Variants in CSMD1 observed in about 807,000 individuals in gnomAD.
CSMD1 encodes CUB and sushi domain-containing protein 1.
Under a neutral mutation model 417.5 loss-of-function variants are expected in CSMD1, and 213 were observed. The ratio of observed to expected loss-of-function variants is 0.51; its 90% CI spans 0.46 to 0.57. The LOEUF is 0.57. Ranked by LOEUF, CSMD1 falls within the 20% of genes least tolerant of loss-of-function variation. CSMD1 has a pLI of 0.00. For synonymous variants in CSMD1, 2,862 were observed against 1,736.8 expected, an observed-to-expected ratio of 1.65 and a Z score of -16.11; for missense variants, 6,923 against 4,529.7, an observed-to-expected ratio of 1.53 and a Z score of -15.17.
intron 3 of CSMD1, among the ~76,000 whole-genome samples, chr8:4,352,569 C>T (rs1043475187): frequency 1.4e-4 from 21 of 152,142 alleles, no homozygotes; most frequent in Non-Finnish European, 2.6e-4. Context: ...TTTCATTTTC[C>T]ATGTAACTTC....
intron 10 of CSMD1, among the ~76,000 whole-genome samples, chr8:3,532,985 C>T (rs1798042913): frequency 6.6e-6 from 1 of 152,182 alleles, no homozygotes; most frequent in African/African-American, 2.4e-5. Context: ...TCATTTTATA[C>T]ATTCCCTTCT....
intron 4 of CSMD1, among the ~76,000 whole-genome samples, chr8:4,018,079 G>C (rs1199214577): frequency 1.3e-5 from 2 of 152,102 alleles, no homozygotes; most frequent in South Asian, 2.1e-4. Context: ...GCAAAAATAA[G>C]CTGGTTATTA....
chr8:4,755,877 C>T lies in CSMD1; in HGVS notation c.86-118319G>A, dbSNP rs544415641. Among the ~76,000 whole-genome samples, 3 of 152,274 alleles carry T rather than the reference C, an allele frequency of 2.0e-5. No homozygotes were observed. In the South Asian group the frequency reaches 6.2e-4, roughly 32 times the overall value. On this transcript the variant is annotated intron_variant, in intron 1 of 69. Transcript: ENST00000635120. The stretch of plus-strand genomic sequence containing the variant: ...CACCAACCTGGTCCAACGTGAGAAA[C>T]TCATAATGGGCTGCTCGGCCTTCAG...
chr8:3,375,122 T>C (rs1810223110), intron 18 of CSMD1: 1 of 152,126 alleles, frequency 6.6e-6, no homozygotes, highest in African/African-American at 2.4e-5. Flanking sequence ...CTTCCACATG[T>C]ACATGTTAAA....
chr8:3,579,651 T>A (rs1800298381), intron 9 of CSMD1, among the ~76,000 whole-genome samples: 1 of 152,230 alleles, frequency 6.6e-6, no homozygotes, highest in Non-Finnish European at 1.5e-5. Flanking sequence ...TCACCACACC[T>A]GGTTCCAGGC....
chr8:4,669,077 T>C (rs1373259077), intron 1 of CSMD1, among the ~76,000 whole-genome samples: 5 of 152,340 alleles, frequency 3.3e-5, no homozygotes, highest in Admixed American at 6.5e-5. Flanking sequence ...TCTTAATTTT[T>C]ACAGACTTAT....
chr8:4,061,994 CT>C (rs1798996337), intron 3 of CSMD1, among the ~76,000 whole-genome samples: 2 of 152,090 alleles, frequency 1.3e-5, no homozygotes. Flanking sequence ...GCTGCCCTGT[CT>C]GAGAGGTCAA....
chr8:4,379,801 G>T (rs1353042068), intron 3 of CSMD1, among the ~76,000 whole-genome samples: 1 of 152,178 alleles, frequency 6.6e-6, no homozygotes, highest in South Asian at 2.1e-4. Context: ...TCAAAATGTT[G>T]ACAATTCTAT....
intron 37 of CSMD1, among the ~76,000 whole-genome samples, chr8:3,173,671 G>A (rs577681154): frequency 4.6e-5 from 7 of 152,132 alleles, no homozygotes; most frequent in Non-Finnish European, 7.3e-5. Context: ...GTAAGCTCTC[G>A]TCTCAGTGCA....
intron 7 of CSMD1, among the ~76,000 whole-genome samples, chr8:3,662,068 T>G (rs542771088): frequency 1.3e-5 from 2 of 152,132 alleles, no homozygotes; most frequent in Non-Finnish European, 2.9e-5. Flanking sequence ...TGCTCAGTAG[T>G]TGTGTAGAAA....
At chr8:4,339,032 T>A (rs1339442033) in intron 3 of CSMD1, among the ~76,000 whole-genome samples, 1 of 152,120 alleles carries the variant, frequency 6.6e-6, no homozygotes, top group Non-Finnish European at 1.5e-5. Flanking sequence ...GCTCAATTGC[T>A]GTAGAGCCTC....
At chr8:3,737,204 G>A (rs762062956) in intron 6 of CSMD1, among the ~76,000 whole-genome samples, 4 of 147,110 alleles carry the variant, frequency 2.7e-5, no homozygotes, top group South Asian at 2.2e-4. Flanking sequence ...AATGACTATC[G>A]GGAGAAATTA....
intron 5 of CSMD1, among the ~76,000 whole-genome samples, chr8:3,972,495 T>A (rs1370631485): frequency 6.6e-6 from 1 of 152,234 alleles, no homozygotes; most frequent in Middle Eastern, 3.2e-3. Context: ...GAATGAATTT[T>A]TGCCTCTGTC....
At chr8:4,020,860 T>G (rs1424650424) in intron 4 of CSMD1, among the ~76,000 whole-genome samples, 1 of 152,214 alleles carries the variant, frequency 6.6e-6, no homozygotes, top group Non-Finnish European at 1.5e-5. Flanking sequence ...AAACTAATTT[T>G]AAAAGGGACC....
intron 3 of CSMD1, among the ~76,000 whole-genome samples, chr8:4,082,100 AAAG>A (rs1225089614): frequency 6.6e-6 from 1 of 152,176 alleles, no homozygotes; most frequent in Non-Finnish European, 1.5e-5. Flanking sequence ...TTATCAAGAA[AAAG>A]AAGAGATATG....
chr8:3,009,273 C>T (rs987812794), intron 52 of CSMD1, among the ~76,000 whole-genome samples: 10 of 152,188 alleles, frequency 6.6e-5, no homozygotes, highest in African/African-American at 1.9e-4. Flanking sequence ...GGGATTAGAA[C>T]GGAATCCATT....
chr8:2,998,235 T>A, intron 53 of CSMD1, 51 bp from the exon 54 acceptor site: 1 of 1,569,118 alleles, frequency 6.4e-7, no homozygotes, highest in Non-Finnish European at 8.7e-7. Flanking sequence ...AGGTCATCAC[T>A]TTCCCTTGGG....
At chr8:3,504,400 G>A (rs1056231177) in intron 10 of CSMD1, among the ~76,000 whole-genome samples, 1 of 152,048 alleles carries the variant, frequency 6.6e-6, no homozygotes, top group African/African-American at 2.4e-5. Context: ...GATTTCCCTG[G>A]GGGATTTCTG....
chr8:4,027,254 A>G (rs1306314607), intron 4 of CSMD1, among the ~76,000 whole-genome samples: 1 of 152,184 alleles, frequency 6.6e-6, no homozygotes. Flanking sequence ...TTGGCTGATA[A>G]AAGAAATGTT....
Sources: gnomAD v4.1 joint callset for allele counts (sites outside exome capture counted in the v4.1 genomes callset) on GRCh38, gnomAD v4.1.1 for gene constraint, MANE v1.5 for transcripts, NCBI Gene and HGNC (gene_info 2026-07-23, HGNC 2026-07-21) for gene names.